Variants in SYNC observed in about 807,000 individuals in gnomAD.
SYNC encodes syncoilin.
A neutral mutation model predicts 49.5 loss-of-function variants in SYNC; 38 were observed. That is an observed-to-expected ratio of 0.77 (90% CI 0.59 to 1.01). SYNC has a LOEUF of 1.01. SYNC is among the 50% of genes least tolerant of loss of function. The probability of loss-of-function intolerance (pLI) is 0.00; values close to 1 mark genes in which losing one functional copy is unlikely to be tolerated. For missense variants in SYNC, 579 were observed against 580.6 expected (o/e 1.00, Z 0.03); for synonymous variants, 201 against 230.8 (o/e 0.87, Z 1.17).
At chr1:32,689,008 G>T (rs1362575110) in intron 2 of SYNC, among the ~76,000 whole-genome samples, 1 of 150,538 alleles carries the variant, frequency 6.6e-6, no homozygotes, top group Non-Finnish European at 1.5e-5. Flanking sequence ...GCGCAGTCTC[G>T]GCTCACTGCA....
intron 2 of SYNC, 97 bp downstream of exon 2, chr1:32,694,768 C>T: frequency 8.0e-7 from 1 of 1,253,472 alleles, no homozygotes; most frequent in Non-Finnish European, 1.1e-6. Flanking sequence ...TTTCTTCCTA[C>T]ATGTGACACT....
Position 32,695,815 on chromosome 1 carries a change from G to C in SYNC, c.283C>G (p.Leu95Val), listed in dbSNP as rs913911954. 2 of 1,551,774 alleles carry C rather than the reference G, an allele frequency of 1.3e-6. No individual in the cohort carries two copies. The highest frequency in any genetic ancestry group is 1.7e-6 in the Non-Finnish European group (2 of 1,147,006). Residue 95 changes from leucine to valine, a missense_variant, in exon 2 of 5, where the codon CTG (leucine) becomes GTG (valine). Transcript: ENST00000409190. ...IEEAMQPDEA[L>V]HVEEPGNPEE... ...GGATTCCCAGGCTCCTCCACATGCAGAGCCTCATCTGGCTGCATGGCCTCC... is the reference window on the plus strand; with the variant it reads ...GGATTCCCAGGCTCCTCCACATGCACAGCCTCATCTGGCTGCATGGCCTCC...
rs1207795346 is a variant in SYNC, at chr1:32,695,627, G to A, written c.471C>T (p.Ala157=). 17 of 1,551,384 alleles carry A rather than the reference G, an allele frequency of 1.1e-5. No homozygotes were observed. The highest frequency in any genetic ancestry group is 3.9e-5 in the Admixed American group (2 of 50,908). The stretch of plus-strand genomic sequence containing the variant: ...TCTCCTCCATGCTGGGGCTCTGCTC[G>A]GCTCTGAGGCTCTCCTCAGGGTTAG... ...EKSNPEESLR[A]EQSPSMEENL... The change falls in exon 2 of 5, where the codon GCC becomes GCT. Residue 157 remains alanine, a synonymous_variant. Transcript: ENST00000409190.
At chr1:32,688,051 T>G (rs890958958) in intron 2 of SYNC, among the ~76,000 whole-genome samples, 5 of 151,828 alleles carry the variant, frequency 3.3e-5, no homozygotes, top group Non-Finnish European at 7.4e-5. Flanking sequence ...GTCAGGTTGG[T>G]CTTGAACTCC....
intron 2 of SYNC, among the ~76,000 whole-genome samples, chr1:32,692,431 G>A (rs1166749557): frequency 3.9e-5 from 6 of 152,138 alleles, no homozygotes; most frequent in Non-Finnish European, 7.3e-5. Context: ...AATAGGGTAA[G>A]GGGAATATGA....
rs1025142898 is a variant in SYNC at position 32,702,564 on chromosome 1, C to A, written c.53+44G>T. 2 of 1,216,624 alleles carry A rather than the reference C, an allele frequency of 1.6e-6. No homozygotes were observed. The highest frequency in any genetic ancestry group is 2.0e-6 in the Non-Finnish European group (2 of 978,030). The allele number at this position is 1,216,624 out of a possible 1,614,324, so 75.4% of individuals were successfully genotyped here. ...GGAAAGGGAACCCGTCCAGCAGCAC[C>A]CCTTCCCCAGCGGGGCGGCGACGCG... On this transcript the variant is annotated intron_variant, in intron 1 of 4. Coordinates refer to ENST00000409190, the MANE Select transcript of SYNC (RefSeq NM_030786.3). This position sits in a 1 kb window ranked among gnomAD's most constrained non-coding sequence, Gnocchi z 6.2.
At chr1:32,701,439 A>G (rs1336590174) in intron 1 of SYNC, among the ~76,000 whole-genome samples, 3 of 152,190 alleles carry the variant, frequency 2.0e-5, no homozygotes, top group African/African-American at 7.2e-5. Flanking sequence ...TCTGCTCTAT[A>G]TCCTAGGGTG....
intron 1 of SYNC, among the ~76,000 whole-genome samples, chr1:32,697,458 C>A (rs1317233530): frequency 6.7e-6 from 1 of 148,700 alleles, no homozygotes; most frequent in Non-Finnish European, 1.5e-5. Context: ...AAAAAGATAA[C>A]CGTGGTCAAG....
chr1:32,682,214 T>G (rs989829448), intron 4 of SYNC: 1 of 232,328 alleles, frequency 4.3e-6, no homozygotes, highest in Non-Finnish European at 8.4e-6. Flanking sequence ...TTATAATTTC[T>G]CAAACATTAA....
At position 32,702,685 on chromosome 1, in the gene SYNC, C is replaced by A; in HGVS notation, c.-25G>T. 1 of 1,166,924 alleles carries A rather than the reference C, an allele frequency of 8.6e-7. No homozygotes were observed. The highest frequency in any genetic ancestry group is 4.2e-5 in the South Asian group (1 of 23,776). The allele number at this position is 1,166,924 out of a possible 1,614,324, so 72.3% of individuals were successfully genotyped here. Reference sequence around the variant, plus strand: ...TGGCTGCGCGACCCCGGGCTGGCGGCCGCGTTATTAATAGCCGGGCCCGCG... The same window carrying A: ...TGGCTGCGCGACCCCGGGCTGGCGGACGCGTTATTAATAGCCGGGCCCGCG... On this transcript the variant is annotated 5_prime_UTR_variant, in exon 1 of 5. Coordinates refer to ENST00000409190, the MANE Select transcript of SYNC (RefSeq NM_030786.3). This position sits in a 1 kb window ranked among gnomAD's most constrained non-coding sequence, Gnocchi z 6.2.
intron 1 of SYNC, among the ~76,000 whole-genome samples, chr1:32,696,554 TCTCCTGCCTCAGC>T (rs1396566597): frequency 6.6e-6 from 1 of 151,900 alleles, no homozygotes; most frequent in Non-Finnish European, 1.5e-5. Flanking sequence ...TTCAAGTGAT[TCTCCTGCCTCAGC>T]CTCCTGAGCA....
At chr1:32,686,821 T>C (rs1570901783) in intron 2 of SYNC, among the ~76,000 whole-genome samples, 1 of 152,284 alleles carries the variant, frequency 6.6e-6, no homozygotes, top group Non-Finnish European at 1.5e-5. Context: ...TCCAACTTAG[T>C]GATAGAGCCA....
intron 4 of SYNC, chr1:32,683,772 A>G (rs545280403): frequency 2.5e-4 from 112 of 441,464 alleles, no homozygotes; most frequent in African/African-American, 1.9e-3. Flanking sequence ...AGCTGGGATT[A>G]TAAGTGCCTG....
At chr1:32,698,545 G>T (rs1650539906) in intron 1 of SYNC, among the ~76,000 whole-genome samples, 1 of 152,058 alleles carries the variant, frequency 6.6e-6, no homozygotes, top group African/African-American at 2.4e-5. Context: ...CATACCAAGT[G>T]CTTGTAAGCA....
rs1649321799 is a variant in SYNC, at chr1:32,680,003, C to G, written c.*1847G>C. The G allele has an allele frequency of 1.7e-6, 2 of 1,151,294 alleles. No homozygotes were observed. The highest frequency in any genetic ancestry group is 3.3e-5 in the African/African-American group (2 of 61,476). The allele number at this position is 1,151,294 out of a possible 1,614,324, so 71.3% of individuals were successfully genotyped here. A position where few individuals can be genotyped will look rare whatever the true frequency, so the allele number is the denominator to read the frequency against. ...GATTATTTTTCTTCTTATGCTATAT[C>G]CCCAAGTTTTTCAGACTCATTTAAG... On this transcript the variant is annotated 3_prime_UTR_variant, in exon 5 of 5. Transcript: ENST00000409190.
intron 1 of SYNC, among the ~76,000 whole-genome samples, chr1:32,701,533 A>G (rs575746590): frequency 6.6e-6 from 1 of 152,322 alleles, no homozygotes; most frequent in Admixed American, 6.5e-5. Context: ...AGCTGGAAGT[A>G]AAACCCAGGC....
intron 1 of SYNC, among the ~76,000 whole-genome samples, chr1:32,698,518 C>CA (rs546814697): frequency 6.7e-5 from 10 of 148,776 alleles, no homozygotes; most frequent in African/African-American, 9.8e-5. Flanking sequence ...AACTCTGTAT[C>CA]AAAAAAAAAA....
intron 2 of SYNC, among the ~76,000 whole-genome samples, chr1:32,688,657 C>T (rs975240039): frequency 5.3e-5 from 8 of 152,156 alleles, no homozygotes; most frequent in South Asian, 2.1e-4. Context: ...AGTGCAGTGG[C>T]GCGATCTCAA....
chr1:32,689,713 C>T (rs551576064), intron 2 of SYNC, among the ~76,000 whole-genome samples: 5 of 152,014 alleles, frequency 3.3e-5, no homozygotes, highest in East Asian at 3.9e-4. Flanking sequence ...GAAGCCGAGG[C>T]GGGCAGATCA....
Sources: allele counts gnomAD v4.1 joint callset (sites outside exome capture counted in the v4.1 genomes callset), GRCh38; gene constraint gnomAD v4.1.1; non-coding constraint Gnocchi (gnomAD v3.1); transcripts MANE v1.5; gene names NCBI Gene and HGNC (gene_info 2026-07-23, HGNC 2026-07-21).